The following MTHFSD variants were observed in gnomAD, a reference collection of about 807,000 sequenced individuals.
MTHFSD encodes the protein methenyltetrahydrofolate synthase domain-containing protein.
In MTHFSD, 37 loss-of-function variants were observed where a neutral mutation model predicts 31.1. That is an observed-to-expected ratio of 1.19 (90% confidence interval 0.91 to 1.56). MTHFSD has a LOEUF of 1.56. MTHFSD is among the 40% of genes most tolerant of loss of function. The probability of loss-of-function intolerance (pLI) is 0.00; values close to 1 mark genes in which losing one functional copy is unlikely to be tolerated. For missense variants in MTHFSD, 664 were observed against 510.1 expected, an observed-to-expected ratio of 1.30 and a Z score of -2.91; for synonymous variants, 221 against 206.9, an observed-to-expected ratio of 1.07 and a Z score of -0.59.
At position 86,542,402 on chromosome 16, in the gene MTHFSD, A is replaced by G. The variant is rs1428198705; in HGVS notation, c.443-189T>C. On this transcript the variant is annotated intron_variant, in intron 5 of 7. Transcript: ENST00000360900. This position sits in a 1 kb window ranked among gnomAD's most constrained non-coding sequence, Gnocchi z 4.6. The stretch of plus-strand genomic sequence containing the variant: ...ACTGACGATGGACTTTTGGGCATTC[A>G]ACAGGAATAACAACACGGCCAATGT... 1.7e-6 allele frequency: 1 copy of G among 583,838 alleles called. No homozygotes were observed. The highest frequency in any genetic ancestry group is 1.9e-5 in the African/African-American group (1 of 53,520). The allele number at this position is 583,838 out of a possible 1,614,324, so 36.2% of individuals were successfully genotyped here. A position where few individuals can be genotyped will look rare whatever the true frequency, so the allele number is the denominator to read the frequency against.
chr16:86,544,172 C>T (rs1971933040), intron 5 of MTHFSD, among the ~76,000 whole-genome samples: 2 of 151,448 alleles, frequency 1.3e-5, no homozygotes, highest in Admixed American at 6.6e-5. Flanking sequence ...ACCGTCCCCT[C>T]CCTGGTCCAT....
At position 86,541,514 on chromosome 16, in the gene MTHFSD, G is replaced by A. The variant is rs145665995; in HGVS notation, c.681+183C>T. On this transcript the variant is annotated intron_variant, in intron 7 of 7. Coordinates refer to ENST00000360900, the MANE Select transcript of MTHFSD (RefSeq NM_001159377.2). ...TTTTTCGAATCCCAGAGATCCATAC[G>A]CAGATTCTTAGGCCTGGGCCTGGAC... is the stretch of plus-strand genomic sequence containing the variant. The A allele has an allele frequency of 6.1e-4, 499 of 815,486 alleles. 2 individuals carry two copies. Among genetic ancestry groups the A allele is most frequent in the South Asian group, 5.3e-3 (293 of 55,614 alleles). The allele number at this position is 815,486 out of a possible 1,614,324, so 50.5% of individuals were successfully genotyped here. A position where few individuals can be genotyped will look rare whatever the true frequency, so the allele number is the denominator to read the frequency against.
chr16:86,545,258 G>A (rs1180862214), intron 5 of MTHFSD, among the ~76,000 whole-genome samples: 4 of 151,982 alleles, frequency 2.6e-5, no homozygotes, highest in Non-Finnish European at 5.9e-5. Flanking sequence ...TATGTACAAC[G>A]TCTACACTAG....
At chr16:86,547,342 C>G (rs1262089819) in intron 4 of MTHFSD, 2 of 985,628 alleles carry the variant, frequency 2.0e-6, no homozygotes, top group Non-Finnish European at 2.4e-6. Flanking sequence ...ATGTAAGACT[C>G]AGGAAAAAGC....
Position 86,547,308 on chromosome 16 carries a change from T to G in MTHFSD, c.352-659A>C, listed in dbSNP as rs1000361324. On this transcript the variant is annotated intron_variant, in intron 4 of 7. Transcript: ENST00000360900. ...ATAAAGAATAGGGAAGCTGAATATG[T>G]TCATGGTTCTCATAACACGGTTTAT... 3.0e-6 allele frequency: 3 copies of G among 985,642 alleles called. No individual in the cohort carries two copies. The African/African-American group carries it at 5.2e-5, about 17-fold the overall frequency. The allele number at this position is 985,642 out of a possible 1,614,324, so 61.1% of individuals were successfully genotyped here.
At chr16:86,550,448 G>A (rs1217307264) in intron 3 of MTHFSD, among the ~76,000 whole-genome samples, 3 of 152,160 alleles carry the variant, frequency 2.0e-5, no homozygotes, top group African/African-American at 7.2e-5. Context: ...TTGCTCTGAG[G>A]GGCTGACAGC....
Position 86,554,031 on chromosome 16 carries a change from T to C in MTHFSD, c.123+614A>G, listed in dbSNP as rs368004828. ...TGTCAAAACGGACCAATCGGCTCTCTGTAAAATGGACCAATCAGCAGGATG... is the reference window on the plus strand; with the variant it reads ...TGTCAAAACGGACCAATCGGCTCTCCGTAAAATGGACCAATCAGCAGGATG... On this transcript the variant is annotated intron_variant, in intron 2 of 7. Coordinates refer to ENST00000360900, the MANE Select transcript of MTHFSD (RefSeq NM_001159377.2). Among the ~76,000 whole-genome samples, 306 of 152,262 alleles carry C rather than the reference T, an allele frequency of 2.0e-3. 2 individuals carry two copies. The highest frequency in any genetic ancestry group is 7.0e-3 in the African/African-American group (289 of 41,544).
chr16:86,554,830 C>G (rs1408496090), intron 1 of MTHFSD, 79 bp from the exon 2 acceptor site: 7 of 1,284,420 alleles, frequency 5.4e-6, no homozygotes, highest in Non-Finnish European at 7.8e-6. Context: ...AGTAGTTAAG[C>G]GACCCCCGCG....
rs895161168 is a variant in MTHFSD, at chr16:86,542,962, C to A, written c.443-749G>T. Among the ~76,000 whole-genome samples the A allele has an allele frequency of 1.3e-5, 2 of 152,162 alleles. No individual in the cohort carries two copies. The highest frequency in any genetic ancestry group is 2.9e-5 in the Non-Finnish European group (2 of 68,034). ...CAGAAACTGAGGCCAGCGAGTGCCA[C>A]CAGCAGCATCACCCGCAGAGCACCC... is the stretch of plus-strand genomic sequence containing the variant. On this transcript the variant is annotated intron_variant, in intron 5 of 7. Coordinates refer to ENST00000360900, the MANE Select transcript of MTHFSD (RefSeq NM_001159377.2). The surrounding 1 kb of genome is among the most constrained non-coding windows in gnomAD (Gnocchi z 4.6).
chr16:86,548,385 G>A (rs1597371231), intron 4 of MTHFSD, 79 bp downstream of exon 4: 10 of 1,116,552 alleles, frequency 9.0e-6, no homozygotes, highest in South Asian at 5.4e-5. Context: ...ACTGTGTGCT[G>A]CTATCTTATG....
rs754281104 is a variant in MTHFSD at position 86,542,460 on chromosome 16, G to C, written c.443-247C>G. 3.9e-6 allele frequency: 2 copies of C among 509,218 alleles called. No homozygotes were observed. Among genetic ancestry groups the C allele is most frequent in the Non-Finnish European group, 7.0e-6 (2 of 285,464 alleles). 31.5% of individuals were successfully genotyped at this position (509,218 alleles called of 1,614,324 possible). On this transcript the variant is annotated intron_variant, in intron 5 of 7. Coordinates refer to ENST00000360900, the MANE Select transcript of MTHFSD (RefSeq NM_001159377.2). The surrounding 1 kb of genome is among the most constrained non-coding windows in gnomAD (Gnocchi z 4.6). ...TGAAACTACAATGACGTGAACACTG[G>C]ACCGTTCAAGCATGTCACAAAGGGA...
At chr16:86,548,695 T>C (rs1460452965) in intron 3 of MTHFSD, 118 bp from the exon 4 acceptor site, 3 of 776,238 alleles carry the variant, frequency 3.9e-6, no homozygotes, top group Non-Finnish European at 6.0e-6. Context: ...CATGGTTTTT[T>C]TTGGTGTGTG....
intron 7 of MTHFSD, among the ~76,000 whole-genome samples, chr16:86,538,644 C>T (rs936640086): frequency 1.3e-5 from 2 of 152,232 alleles, no homozygotes; most frequent in African/African-American, 4.8e-5. Context: ...ACCTGACACA[C>T]GGCTGTCACA....
chr16:86,531,199 A>T lies in MTHFSD; in HGVS notation c.*812T>A, dbSNP rs1410668066. 1 of 152,246 alleles carries T rather than the reference A, an allele frequency of 6.6e-6. No individual in the cohort carries two copies. Among genetic ancestry groups the T allele is most frequent in the Non-Finnish European group, 1.5e-5 (1 of 68,048 alleles). The allele number at this position is 152,246 out of a possible 1,614,324, so 9.4% of individuals were successfully genotyped here. On this transcript the variant is annotated 3_prime_UTR_variant, in exon 8 of 8. Transcript: ENST00000360900. The surrounding 1 kb of genome is among the most constrained non-coding windows in gnomAD (Gnocchi z 5.5). ...CAATTGCAAAAGCGCTTCTGTTGAG[A>T]AAGGACAGTTCAGCCAAACTCAAGC...
intron 7 of MTHFSD, among the ~76,000 whole-genome samples, chr16:86,534,488 G>T (rs961565748): frequency 6.6e-6 from 1 of 152,240 alleles, no homozygotes; most frequent in Non-Finnish European, 1.5e-5. Flanking sequence ...ACTGGACACA[G>T]ATGGGAGGGG....
intron 7 of MTHFSD, among the ~76,000 whole-genome samples, chr16:86,540,289 G>C (rs536741439): frequency 2.2e-4 from 34 of 152,228 alleles, no homozygotes; most frequent in African/African-American, 8.2e-4. Flanking sequence ...CCTGGAAGAG[G>C]GTCTCGACAA....
chr16:86,542,229 G>C lies in MTHFSD; in HGVS notation c.443-16C>G, dbSNP rs1274565463. The C allele has an allele frequency of 6.2e-7, 1 of 1,606,216 alleles. No homozygotes were observed. The highest frequency in any genetic ancestry group is 1.7e-5 in the Admixed American group (1 of 59,732). ...ATTCTCCAGCCTAAGAGACAACCGA[G>C]AATCAGTATCGCTGTGCGGTCCGGG... On this transcript the variant is annotated splice_polypyrimidine_tract_variant and intron_variant, in intron 5 of 7. Coordinates refer to ENST00000360900, the MANE Select transcript of MTHFSD (RefSeq NM_001159377.2). The surrounding 1 kb of genome is among the most constrained non-coding windows in gnomAD (Gnocchi z 4.6).
Position 86,541,800 on chromosome 16 carries a change from A to G in MTHFSD, c.578T>C (p.Leu193Pro). The G allele has an allele frequency of 1.2e-6, 2 of 1,614,168 alleles. No individual in the cohort carries two copies. Among genetic ancestry groups the G allele is most frequent in the Non-Finnish European group, 1.7e-6 (2 of 1,180,024 alleles). The change falls in exon 7 of 8, where the codon CTT becomes CCT. Residue 193 changes from leucine to proline, a missense_variant. By Grantham distance (98) the Leu-to-Pro change is moderately conservative. Transcript: ENST00000360900. ...DCQVVDIPEE[L>P]VEEHDITVDY... ...CACAGTGATGTCGTGCTCCTCAACA[A>G]GCTCTTCAGGGATGTCCACGACCTG... is the stretch of plus-strand genomic sequence containing the variant.
rs1971629467 is a variant in MTHFSD, at chr16:86,542,222, C to T, written c.443-9G>A. 1 of 1,610,186 alleles carries T rather than the reference C, an allele frequency of 6.2e-7. No individual in the cohort carries two copies. Among genetic ancestry groups the T allele is most frequent in the Admixed American group, 1.7e-5 (1 of 59,814 alleles). The stretch of plus-strand genomic sequence containing the variant: ...CTTCCCGATTCTCCAGCCTAAGAGA[C>T]AACCGAGAATCAGTATCGCTGTGCG... On this transcript the variant is annotated splice_polypyrimidine_tract_variant and intron_variant, in intron 5 of 7. Coordinates refer to ENST00000360900, the MANE Select transcript of MTHFSD (RefSeq NM_001159377.2). The surrounding 1 kb of genome is among the most constrained non-coding windows in gnomAD (Gnocchi z 4.6).
Sources: gnomAD v4.1 joint callset for allele counts (sites outside exome capture counted in the v4.1 genomes callset) on GRCh38, gnomAD v4.1.1 for gene constraint, Gnocchi (gnomAD v3.1) non-coding constraint, MANE v1.5 for transcripts, NCBI Gene and HGNC (gene_info 2026-07-23, HGNC 2026-07-21) for gene names.